BLM: variants seen among roughly 807,000 people sequenced by gnomAD.
The protein encoded by BLM is recQ-like DNA helicase BLM.
Under a neutral mutation model 135.3 loss-of-function variants are expected in BLM, and 95 were observed. The ratio of observed to expected loss-of-function variants is 0.70; its 90% confidence interval spans 0.59 to 0.83. The LOEUF (loss-of-function observed/expected upper bound fraction) is 0.83, where lower values mean the gene tolerates loss of function less well. BLM is among the 40% of genes least tolerant of loss of function. BLM has a pLI of 0.00. For missense variants in BLM, 1,518 were observed against 1,663.9 expected, an observed-to-expected ratio of 0.91 and a Z score of 1.53; for synonymous variants, 520 against 589.2, an observed-to-expected ratio of 0.88 and a Z score of 1.70.
chr15:90,733,416 G>A (rs575187649), intron 1 of BLM, among the ~76,000 whole-genome samples: 1 of 152,204 alleles, frequency 6.6e-6, no homozygotes, highest in African/African-American at 2.4e-5. Flanking sequence ...AAAACATGAG[G>A]TCCAAATGGT....
chr15:90,785,950 T>C (rs1195875341), intron 14 of BLM, among the ~76,000 whole-genome samples: 1 of 152,042 alleles, frequency 6.6e-6, no homozygotes, highest in Admixed American at 6.6e-5. Flanking sequence ...ACACAGTTTG[T>C]TTATCTACTC....
chr15:90,788,471 G>GTTTTT (rs35158343), intron 14 of BLM, among the ~76,000 whole-genome samples: 526 of 94,702 alleles, frequency 5.6e-3, no homozygotes, highest in East Asian at 9.6e-3. Context: ...CCAGTGTTTT[G>GTTTTT]TTTTTTTTTT....
chr15:90,765,223 T>G (rs1035556068), intron 8 of BLM, 73 bp from the exon 9 acceptor site: 7 of 1,239,498 alleles, frequency 5.6e-6, no homozygotes, highest in South Asian at 1.2e-5. Flanking sequence ...AATGATATGA[T>G]TTCTTTTGTA....
In BLM at chr15:90,785,998, CTTTTTT is replaced by C. The variant is rs869185558; in HGVS notation, c.2823+935_2823+940del. On this transcript the variant is annotated intron_variant, in intron 14 of 21. Coordinates refer to ENST00000355112, the MANE Select transcript of BLM (RefSeq NM_000057.4). ...GACATTTGGCTTGTTTCGTTTCTTT[CTTTTTT>C]TTTTTTTTTTTTTTTTTGAGACAGG... 9.4e-3 allele frequency among the ~76,000 whole-genome samples: 1,040 copies of C among 110,694 alleles called. 9 individuals are homozygous for C. Among genetic ancestry groups the C allele is most frequent in the African/African-American group, 0.03 (968 of 32,616 alleles). 72.6% of individuals were successfully genotyped at this position (110,694 alleles called of 152,430 possible).
intron 16 of BLM, 121 bp downstream of exon 16, chr15:90,794,478 T>C (rs929203470): frequency 4.2e-6 from 3 of 716,884 alleles, no homozygotes; most frequent in Non-Finnish European, 6.6e-6. Flanking sequence ...AAAGACAGCT[T>C]CCTTCCAGTA....
Position 90,815,289 on chromosome 15 carries a change from C to T in BLM, c.*10C>T. 1 of 1,612,074 alleles carries T rather than the reference C, an allele frequency of 6.2e-7. No homozygotes were observed. Among genetic ancestry groups the T allele is most frequent in the Non-Finnish European group, 8.5e-7 (1 of 1,178,112 alleles). ...ATATGCATTCTCATAACAACCGAATCTCAATGTACATAGACCCTCTTTCTT... is the reference window on the plus strand; with the variant it reads ...ATATGCATTCTCATAACAACCGAATTTCAATGTACATAGACCCTCTTTCTT... On this transcript the variant is annotated 3_prime_UTR_variant, in exon 22 of 22. Transcript: ENST00000355112. The surrounding 1 kb of genome is among the most constrained non-coding windows in gnomAD (Gnocchi z 4.6).
Position 90,782,890 on chromosome 15 carries a change from C to A in BLM, c.2624C>A (p.Ala875Glu), listed in dbSNP as rs1596250413. 6.2e-7 allele frequency: 1 copy of A among 1,613,710 alleles called. No individual in the cohort carries two copies. Among genetic ancestry groups the A allele is most frequent in the Admixed American group, 1.7e-5 (1 of 60,022 alleles). ...YVLPKKPKKV[A>E]FDCLEWIRKH... Reference sequence around the variant, plus strand: ...TTACCGAAAAAGCCTAAAAAGGTGGCATTTGATTGCCTAGAATGGATCAGA... The same window carrying A: ...TTACCGAAAAAGCCTAAAAAGGTGGAATTTGATTGCCTAGAATGGATCAGA... Residue 875 changes from alanine (A) to glutamate (E), a missense_variant, in exon 13 of 22, where the codon GCA (alanine) becomes GAA (glutamate). Around this residue, in one of 5 missense-constraint regions of BLM, gnomAD observed 626 missense variants for 681.1 expected, o/e 0.92. Coordinates refer to ENST00000355112, the MANE Select transcript of BLM (RefSeq NM_000057.4).
At chr15:90,795,783 T>A (rs1188293073) in intron 16 of BLM, among the ~76,000 whole-genome samples, 1 of 152,034 alleles carries the variant, frequency 6.6e-6, no homozygotes, top group Non-Finnish European at 1.5e-5. Context: ...TAAATATACA[T>A]GAAAGGATAA....
At chr15:90,788,479 T>TTTTTTTTTTTTTTTTTG (rs1567055130) in intron 14 of BLM, among the ~76,000 whole-genome samples, 23 of 144,466 alleles carry the variant, frequency 1.6e-4, no homozygotes, top group East Asian at 7.9e-4. Flanking sequence ...TTGTTTTTTT[T>TTTTTTTTTTTTTTTTTG]TTTTTTTTTT....
At chr15:90,760,406 C>T in intron 6 of BLM, 127 bp downstream of exon 6, 1 of 1,368,040 alleles carries the variant, frequency 7.3e-7, no homozygotes, top group Non-Finnish European at 1.0e-6. Flanking sequence ...CATCATGCCA[C>T]TATGTTTTTG....
chr15:90,814,963 AG>A (rs1897518567), intron 21 of BLM, 138 bp from the exon 22 acceptor site: 5 of 783,234 alleles, frequency 6.4e-6, no homozygotes, highest in Non-Finnish European at 1.0e-5. Flanking sequence ...TACCTTACCT[AG>A]GGGGCTCGTA....
chr15:90,734,970 T>C (rs1468244606), intron 1 of BLM, among the ~76,000 whole-genome samples: 1 of 151,910 alleles, frequency 6.6e-6, no homozygotes, highest in African/African-American at 2.4e-5. Flanking sequence ...AGAAAATCAA[T>C]AATGAAACTA....
At position 90,728,792 on chromosome 15, in the gene BLM, T is replaced by C. The variant is rs558426348; in HGVS notation, c.-5+11352T>C. On this transcript the variant is annotated intron_variant, in intron 1 of 21. Transcript: ENST00000355112. Reference sequence around the variant, plus strand: ...GATGATATAGAAAAACAATTTATTTTTGTATATTGACCTTGTCTCCAGCAG... The same window carrying C: ...GATGATATAGAAAAACAATTTATTTCTGTATATTGACCTTGTCTCCAGCAG... Among the ~76,000 whole-genome samples, 188 of 152,326 alleles carry C rather than the reference T, an allele frequency of 1.2e-3. 1 individual carries two copies. The highest frequency in any genetic ancestry group is 4.3e-3 in the African/African-American group (179 of 41,576).
chr15:90,785,796 G>A (rs1181943084), intron 14 of BLM, among the ~76,000 whole-genome samples: 1 of 151,806 alleles, frequency 6.6e-6, no homozygotes, highest in African/African-American at 2.4e-5. Flanking sequence ...GCCTCCCAAA[G>A]TGCTGGGATT....
chr15:90,766,941 C>T lies in BLM; in HGVS notation c.2225C>T (p.Thr742Ile). The change falls in exon 10 of 22, where the codon ACT becomes ATT. Residue 742 changes from threonine to isoleucine, a missense_variant. Transcript: ENST00000355112. ...GCTACATATCTGACAGGTGATAAGACTGACTCAGAAGCTACAAATATTTAC... is the reference window on the plus strand; with the variant it reads ...GCTACATATCTGACAGGTGATAAGATTGACTCAGAAGCTACAAATATTTAC... ...IPATYLTGDK[T>I]DSEATNIYLQ... 3.7e-6 allele frequency: 6 copies of T among 1,604,782 alleles called. No homozygotes were observed. The highest frequency in any genetic ancestry group is 5.1e-6 in the Non-Finnish European group (6 of 1,172,356).
chr15:90,761,902 G>T (rs780135137), intron 7 of BLM, among the ~76,000 whole-genome samples: 2 of 152,120 alleles, frequency 1.3e-5, no homozygotes, highest in African/African-American at 4.8e-5. Context: ...GCCACTGAAG[G>T]CTCCAGAGAA....
intron 1 of BLM, among the ~76,000 whole-genome samples, chr15:90,746,014 G>T (rs1895493030): frequency 6.6e-6 from 1 of 152,178 alleles, no homozygotes; most frequent in African/African-American, 2.4e-5. Context: ...AGAGGTCGAG[G>T]CTGCAGTGAG....
Position 90,745,995 on chromosome 15 carries a change from T to C in BLM, c.-4-1394T>C, listed in dbSNP as rs538443610. Among the ~76,000 whole-genome samples the C allele has an allele frequency of 1.4e-4, 21 of 152,234 alleles. No homozygotes were observed. In the South Asian group the frequency reaches 4.4e-3, roughly 32 times the overall value. ...CAGGAAGCTGAGGTGGGAGGATCACTTGAGCCCAAGAGGTCGAGGCTGCAG... is the reference window on the plus strand; with the variant it reads ...CAGGAAGCTGAGGTGGGAGGATCACCTGAGCCCAAGAGGTCGAGGCTGCAG... On this transcript the variant is annotated intron_variant, in intron 1 of 21. Transcript: ENST00000355112.
intron 19 of BLM, among the ~76,000 whole-genome samples, chr15:90,804,923 G>C (rs766237072): frequency 6.6e-6 from 1 of 151,998 alleles, no homozygotes; most frequent in Non-Finnish European, 1.5e-5. Context: ...CACAACCTCC[G>C]CCTCCCAGGT....
Sources: gnomAD v4.1 joint callset for allele counts (sites outside exome capture counted in the v4.1 genomes callset) on GRCh38, gnomAD v4.1.1 for gene constraint, gnomAD v4.1.1 regional missense constraint, Gnocchi (gnomAD v3.1) non-coding constraint, MANE v1.5 for transcripts, NCBI Gene and HGNC (gene_info 2026-07-23, HGNC 2026-07-21) for gene names.